ADGRB3: variants seen among roughly 807,000 people sequenced by gnomAD.
ADGRB3 encodes the protein brain-specific angiogenesis inhibitor 3.
In ADGRB3, 37 loss-of-function variants were observed where a neutral mutation model predicts 193.4. The observed-to-expected ratio is 0.19, with a 90% CI of 0.15 to 0.25. The LOEUF (loss-of-function observed/expected upper bound fraction) is 0.25. Ranked by LOEUF, ADGRB3 falls within the 10% of genes least tolerant of loss-of-function variation. ADGRB3 has a pLI of 1.00. For synonymous variants in ADGRB3, 690 were observed against 644.2 expected, an observed-to-expected ratio of 1.07 and a Z score of -1.08; for missense variants, 1,637 against 1,852.9, an observed-to-expected ratio of 0.88 and a Z score of 2.14.
At chr6:69,088,672 C>A (rs1772620838) in intron 17 of ADGRB3, among the ~76,000 whole-genome samples, 1 of 152,196 alleles carries the variant, frequency 6.6e-6, no homozygotes. Flanking sequence ...CTGTGCCCGG[C>A]CAATCTTATG....
chr6:69,377,207 C>G (rs1769844511), intron 30 of ADGRB3, among the ~76,000 whole-genome samples: 1 of 152,038 alleles, frequency 6.6e-6, no homozygotes, highest in African/African-American at 2.4e-5. Flanking sequence ...GAGAGGAATA[C>G]AGGGCTCAGA....
intron 6 of ADGRB3, among the ~76,000 whole-genome samples, chr6:68,952,152 C>G (rs1767938176): frequency 6.6e-6 from 1 of 152,098 alleles, no homozygotes; most frequent in African/African-American, 2.4e-5. Context: ...CCTCCCTGTT[C>G]TCTATTTTTT....
chr6:69,225,113 AT>A (rs960726947), intron 17 of ADGRB3, among the ~76,000 whole-genome samples: 8 of 152,142 alleles, frequency 5.3e-5, no homozygotes, highest in Non-Finnish European at 1.2e-4. Flanking sequence ...CAAAAATATA[AT>A]TTTTTGTGCT....
intron 10 of ADGRB3, among the ~76,000 whole-genome samples, chr6:68,987,230 A>G (rs920747793): frequency 7.2e-5 from 11 of 152,182 alleles, no homozygotes; most frequent in Non-Finnish European, 1.3e-4. Flanking sequence ...ATTAAATTAC[A>G]ATAATCAAAA....
chr6:68,870,861 G>A (rs1765435875), intron 3 of ADGRB3, among the ~76,000 whole-genome samples: 2 of 152,192 alleles, frequency 1.3e-5, no homozygotes, highest in East Asian at 3.8e-4. Context: ...CACTCAGTCT[G>A]ATTGCTATGT....
At chr6:68,881,627 C>T (rs1042195304) in intron 3 of ADGRB3, among the ~76,000 whole-genome samples, 2 of 152,106 alleles carry the variant, frequency 1.3e-5, no homozygotes, top group Non-Finnish European at 2.9e-5. Flanking sequence ...GAGAGTCAGT[C>T]GGGAACAAGT....
chr6:69,341,447 G>A (rs1026343248), intron 26 of ADGRB3, among the ~76,000 whole-genome samples: 10 of 151,980 alleles, frequency 6.6e-5, no homozygotes, highest in Admixed American at 5.3e-4. Context: ...AAACCCACAT[G>A]TATTCTAAGA....
chr6:68,953,430 C>T (rs575251481), intron 6 of ADGRB3, among the ~76,000 whole-genome samples: 1 of 152,216 alleles, frequency 6.6e-6, no homozygotes, highest in South Asian at 2.1e-4. Flanking sequence ...GCATGAATCT[C>T]TTTTTATAAA....
chr6:69,143,426 C>A (rs138563334), intron 17 of ADGRB3, among the ~76,000 whole-genome samples: 3 of 152,066 alleles, frequency 2.0e-5, no homozygotes, highest in African/African-American at 7.2e-5. Flanking sequence ...GCTGCTTGTT[C>A]TTGTAGAGTA....
chr6:69,077,370 ATG>A (rs1772261983), intron 17 of ADGRB3, among the ~76,000 whole-genome samples: 1 of 121,106 alleles, frequency 8.3e-6, no homozygotes, highest in Non-Finnish European at 1.9e-5. Context: ...CCCAAGAAAC[ATG>A]TGCTATCTTG....
At chr6:68,994,827 T>C (rs748826806) in intron 11 of ADGRB3, among the ~76,000 whole-genome samples, 26 of 152,194 alleles carry the variant, frequency 1.7e-4, no homozygotes, top group Non-Finnish European at 3.2e-4. Context: ...ACTCTAAATT[T>C]GTAAGTTTAT....
intron 3 of ADGRB3, among the ~76,000 whole-genome samples, chr6:68,903,992 GAA>G (rs777405065): frequency 3.6e-5 from 3 of 84,010 alleles, no homozygotes; most frequent in Non-Finnish European, 6.7e-5. Flanking sequence ...AAGACAATAT[GAA>G]AAAAAAAAAA....
chr6:69,090,311 C>T (rs1045333173), intron 17 of ADGRB3, among the ~76,000 whole-genome samples: 2 of 152,164 alleles, frequency 1.3e-5, no homozygotes, highest in Non-Finnish European at 2.9e-5. Flanking sequence ...TGTTTGGAAA[C>T]TTGGCTGCAG....
intron 17 of ADGRB3, among the ~76,000 whole-genome samples, chr6:69,223,760 G>A (rs963322142): frequency 1.1e-4 from 16 of 148,180 alleles, no homozygotes; most frequent in African/African-American, 3.8e-4. Context: ...GGATTCAAGC[G>A]ATCTTTCTAC....
chr6:69,044,155 A>C (rs958239753), intron 13 of ADGRB3, among the ~76,000 whole-genome samples: 1 of 152,226 alleles, frequency 6.6e-6, no homozygotes, highest in Non-Finnish European at 1.5e-5. Flanking sequence ...TTGGATCCAG[A>C]TCATAAGTCT....
rs368102534 is a variant in ADGRB3 at position 69,213,946 on chromosome 6, G to T, written c.2481-19344G>T. On this transcript the variant is annotated intron_variant, in intron 17 of 31. Transcript: ENST00000370598. ...GAATAATATGGTCTCTGATGTTAAG[G>T]ACCTAAAAATTGAGTAGGGGAGAAA... Among the ~76,000 whole-genome samples the T allele has an allele frequency of 3.9e-5, 6 of 152,132 alleles. No individual in the cohort carries two copies. In the East Asian group the frequency reaches 1.2e-3, roughly 29 times the overall value.
chr6:68,888,702 G>A lies in ADGRB3; in HGVS notation c.758-41857G>A, dbSNP rs1286827492. ...AATTATGGCACAATAAGGAGATAGG[G>A]AAATGGAGGCTTATTATATAGGGTG... On this transcript the variant is annotated intron_variant, in intron 3 of 31. Transcript: ENST00000370598. Among the ~76,000 whole-genome samples, 3 of 152,086 alleles carry A rather than the reference G, an allele frequency of 2.0e-5. No individual in the cohort carries two copies. In the East Asian group the frequency reaches 5.8e-4, roughly 29 times the overall value.
Position 68,639,161 on chromosome 6 carries a change from C to T in ADGRB3, c.486C>T (p.Ser162=). The part of the protein sequence containing the change: ...FFEFLVLNKV[S]PSQFGCHVLC... Reference sequence around the variant, plus strand: ...AGTTTTTGGTATTGAACAAGGTCAGCCCAAGCCAGTTTGGTTGCCATGTAT... The same window carrying T: ...AGTTTTTGGTATTGAACAAGGTCAGTCCAAGCCAGTTTGGTTGCCATGTAT... The change falls in exon 3 of 32, where the codon AGC becomes AGT. Residue 162 remains serine, a synonymous_variant. Coordinates refer to ENST00000370598, the MANE Select transcript of ADGRB3 (RefSeq NM_001704.3). 6.2e-7 allele frequency: 1 copy of T among 1,614,104 alleles called. No homozygotes were observed. The highest frequency in any genetic ancestry group is 8.5e-7 in the Non-Finnish European group (1 of 1,180,036).
intron 3 of ADGRB3, among the ~76,000 whole-genome samples, chr6:68,818,822 A>G (rs1054747723): frequency 4.6e-5 from 7 of 152,116 alleles, no homozygotes; most frequent in Non-Finnish European, 5.9e-5. Flanking sequence ...TCTATTTTCT[A>G]TTTAATCTTG....
Sources: gnomAD v4.1 joint callset for allele counts (sites outside exome capture counted in the v4.1 genomes callset) on GRCh38, gnomAD v4.1.1 for gene constraint, MANE v1.5 for transcripts, NCBI Gene and HGNC (gene_info 2026-07-23, HGNC 2026-07-21) for gene names.